The following CTNND2 variants were observed in gnomAD, a reference collection of about 807,000 sequenced individuals.
CTNND2 encodes catenin delta 2, also known as catenin delta-2.
Under a neutral mutation model 144.4 loss-of-function variants are expected in CTNND2, and 22 were observed. That is an observed-to-expected ratio of 0.15 (90% CI 0.11 to 0.22). The LOEUF is 0.22. Ranked by LOEUF, CTNND2 falls within the 10% of genes least tolerant of loss-of-function variation. CTNND2 has a pLI of 1.00. For missense variants in CTNND2, 1,353 were observed against 1,618.8 expected (o/e 0.84, Z 2.82); for synonymous variants, 751 against 695.6 (o/e 1.08, Z -1.25).
At chr5:11,659,875 GA>G (rs1388443297) in intron 2 of CTNND2, among the ~76,000 whole-genome samples, 1 of 152,138 alleles carries the variant, frequency 6.6e-6, no homozygotes, top group East Asian at 1.9e-4. Context: ...ACCAGAAGCA[GA>G]ATTCCAGGCA....
chr5:11,825,532 G>C (rs1793554092), intron 1 of CTNND2, among the ~76,000 whole-genome samples: 1 of 152,066 alleles, frequency 6.6e-6, no homozygotes, highest in African/African-American at 2.4e-5. Flanking sequence ...ACTATGTGAA[G>C]AAATAATTCC....
chr5:11,820,151 C>T (rs563592591), intron 1 of CTNND2, among the ~76,000 whole-genome samples: 2 of 152,280 alleles, frequency 1.3e-5, no homozygotes, highest in African/African-American at 2.4e-5. Context: ...TACGAAACCC[C>T]ATAGCATAAC....
intron 16 of CTNND2, among the ~76,000 whole-genome samples, chr5:11,024,356 A>AC (rs1742603281): frequency 6.7e-6 from 1 of 150,304 alleles, no homozygotes; most frequent in Non-Finnish European, 1.5e-5. Flanking sequence ...TTGCCTGCAA[A>AC]CCCCCAAATG....
intron 1 of CTNND2, among the ~76,000 whole-genome samples, chr5:11,867,033 C>T (rs1272866609): frequency 6.6e-6 from 1 of 152,198 alleles, no homozygotes; most frequent in Non-Finnish European, 1.5e-5. Flanking sequence ...GTTTTAATAT[C>T]ACAAGTCTGT....
intron 1 of CTNND2, among the ~76,000 whole-genome samples, chr5:11,788,130 G>A (rs1300416284): frequency 6.6e-6 from 1 of 152,110 alleles, no homozygotes; most frequent in East Asian, 1.9e-4. Flanking sequence ...ATGCTTCTCA[G>A]TTTGACCAAC....
intron 2 of CTNND2, among the ~76,000 whole-genome samples, chr5:11,729,386 C>T (rs571595698): frequency 1.3e-5 from 2 of 152,242 alleles, no homozygotes; most frequent in South Asian, 2.1e-4. Context: ...TTGTTTCCTT[C>T]TATACTTTTC....
In CTNND2 at chr5:11,284,221, C is replaced by A. The variant is rs145979255; in HGVS notation, c.1629-47398G>T. On this transcript the variant is annotated intron_variant, in intron 9 of 21. Transcript: ENST00000304623. ...GTTGTGCAGGGCTGTCAGTACCGGG[C>A]TCCTGTTGTGGGGAGGTGAAGGTTA... Among the ~76,000 whole-genome samples, 2 of 152,172 alleles carry A rather than the reference C, an allele frequency of 1.3e-5. 1 individual carries two copies. The highest frequency in any genetic ancestry group is 2.9e-5 in the Non-Finnish European group (2 of 68,030).
intron 16 of CTNND2, among the ~76,000 whole-genome samples, chr5:11,075,903 C>T (rs1300143581): frequency 1.3e-5 from 2 of 152,368 alleles, no homozygotes; most frequent in Admixed American, 6.5e-5. Flanking sequence ...CCCTCTACCC[C>T]TTCCTCTCTC....
intron 1 of CTNND2, among the ~76,000 whole-genome samples, chr5:11,745,206 A>G (rs1190860755): frequency 6.6e-6 from 1 of 152,216 alleles, no homozygotes; most frequent in Non-Finnish European, 1.5e-5. Flanking sequence ...TCATATCCCA[A>G]TAATGGAAGT....
chr5:11,431,745 C>G (rs1763305741), intron 3 of CTNND2, among the ~76,000 whole-genome samples: 2 of 152,032 alleles, frequency 1.3e-5, no homozygotes, highest in African/African-American at 4.8e-5. Flanking sequence ...TCAGTTATTG[C>G]CATATGGAGT....
In CTNND2 at chr5:11,874,187, C is replaced by T. The variant is rs533123262; in HGVS notation, c.37+29630G>A. On this transcript the variant is annotated intron_variant, in intron 1 of 21. Transcript: ENST00000304623. ...TGATAAAATTCTCTCACTCTTATGA[C>T]CTCTTTGTGAGAAAAAATTGTGAGA... Among the ~76,000 whole-genome samples the T allele has an allele frequency of 1.6e-3, 241 of 152,312 alleles. 1 individual carries two copies. Among genetic ancestry groups the T allele is most frequent in the Middle Eastern group, 3.4e-3 (1 of 294 alleles).
At chr5:11,416,043 T>C (rs1761908115) in intron 3 of CTNND2, among the ~76,000 whole-genome samples, 1 of 152,126 alleles carries the variant, frequency 6.6e-6, no homozygotes, top group South Asian at 2.1e-4. Context: ...GAAGAATAAA[T>C]GTCACACTGA....
intron 3 of CTNND2, among the ~76,000 whole-genome samples, chr5:11,535,387 T>C (rs1024887573): frequency 4.6e-5 from 7 of 152,176 alleles, no homozygotes; most frequent in Non-Finnish European, 1.0e-4. Context: ...CACTCTCTCT[T>C]GTGGATGTTA....
At chr5:11,497,201 T>G (rs574187366) in intron 3 of CTNND2, among the ~76,000 whole-genome samples, 1 of 151,882 alleles carries the variant, frequency 6.6e-6, no homozygotes, top group Admixed American at 6.5e-5. Flanking sequence ...AGGGTTCTAA[T>G]CATATTGATT....
At chr5:11,533,354 AGG>A (rs753655336) in intron 3 of CTNND2, among the ~76,000 whole-genome samples, 1 of 152,198 alleles carries the variant, frequency 6.6e-6, no homozygotes, top group Non-Finnish European at 1.5e-5. Context: ...TGAAGTGCTA[AGG>A]GGACATCATC....
chr5:11,050,477 T>C (rs755951988), intron 16 of CTNND2, among the ~76,000 whole-genome samples: 1 of 152,222 alleles, frequency 6.6e-6, no homozygotes, highest in Non-Finnish European at 1.5e-5. Context: ...CTATATTTAG[T>C]TTCATGACAA....
intron 10 of CTNND2, among the ~76,000 whole-genome samples, chr5:11,202,092 G>A (rs1341472529): frequency 6.6e-6 from 1 of 152,134 alleles, no homozygotes; most frequent in Non-Finnish European, 1.5e-5. Context: ...ATTGAAAAGA[G>A]ATAATAAATC....
intron 5 of CTNND2, among the ~76,000 whole-genome samples, chr5:11,403,875 C>T (rs543804027): frequency 1.3e-5 from 2 of 152,164 alleles, no homozygotes; most frequent in Non-Finnish European, 2.9e-5. Context: ...CATTTGCCCC[C>T]CGTTGATCTG....
At chr5:11,499,217 A>G (rs1387290568) in intron 3 of CTNND2, among the ~76,000 whole-genome samples, 2 of 152,154 alleles carry the variant, frequency 1.3e-5, no homozygotes, top group Non-Finnish European at 2.9e-5. Flanking sequence ...AATATGGTAT[A>G]TATTTACAGG....
Sources: allele counts gnomAD v4.1 joint callset (sites outside exome capture counted in the v4.1 genomes callset), GRCh38; gene constraint gnomAD v4.1.1; transcripts MANE v1.5; gene names NCBI Gene and HGNC (gene_info 2026-07-23, HGNC 2026-07-21).